The following TBCEL variants were observed in gnomAD, a reference collection of about 807,000 sequenced individuals.
The protein encoded by TBCEL is tubulin folding cofactor E like.
A neutral mutation model predicts 44.2 loss-of-function variants in TBCEL; 15 were observed. That is an observed-to-expected ratio of 0.34 (90% confidence interval 0.23 to 0.52). The LOEUF (loss-of-function observed/expected upper bound fraction) is 0.52, where lower values mean the gene tolerates loss of function less well. TBCEL is among the 20% of genes least tolerant of loss of function. TBCEL has a pLI of 0.95. For missense variants in TBCEL, 319 were observed against 506.3 expected (o/e 0.63, Z 3.55); for synonymous variants, 171 against 185.4 (o/e 0.92, Z 0.63).
At chr11:121,050,961 C>T (rs576664619) in intron 4 of TBCEL, among the ~76,000 whole-genome samples, 39 of 151,566 alleles carry the variant, frequency 2.6e-4, no homozygotes, top group South Asian at 1.2e-3. Flanking sequence ...GAATGTTTGT[C>T]GGCTTTTGGT....
intron 8 of TBCEL, among the ~76,000 whole-genome samples, chr11:121,074,763 G>C (rs1946002990): frequency 6.6e-6 from 1 of 151,824 alleles, no homozygotes; most frequent in Admixed American, 6.6e-5. Context: ...GGCCACCACT[G>C]ATCTGTTTTC....
At position 121,045,697 on chromosome 11, in the gene TBCEL, C is replaced by A; in HGVS notation, c.7C>A (p.Gln3Lys). Residue 3 changes from glutamine to lysine, a missense_variant, in exon 3 of 9, where the codon CAA (glutamine) becomes AAA (lysine). Transcript: ENST00000683345. ...AGCATTTTAAGAAAGAAAGATGGAT[C>A]AACCTAGTGGAAGAAGTTTCATGCA... MDQPSGRSFMQVL... is the reference protein window; with the variant it reads MDKPSGRSFMQVL... The A allele has an allele frequency of 6.3e-7, 1 of 1,585,274 alleles. No individual in the cohort carries two copies. Among genetic ancestry groups the A allele is most frequent in the Non-Finnish European group, 8.5e-7 (1 of 1,170,040 alleles).
chr11:121,071,850 C>G (rs1945939749), intron 8 of TBCEL, among the ~76,000 whole-genome samples: 1 of 152,122 alleles, frequency 6.6e-6, no homozygotes, highest in South Asian at 2.1e-4. Flanking sequence ...TCTTAGTGTG[C>G]TGTGTCCGTT....
intron 8 of TBCEL, among the ~76,000 whole-genome samples, chr11:121,065,039 G>A (rs978048642): frequency 3.3e-5 from 5 of 152,084 alleles, no homozygotes; most frequent in Admixed American, 3.3e-4. Context: ...TGTTAGCCAG[G>A]ATGGTCTTGA....
chr11:121,028,408 A>G (rs1236524869), intron 1 of TBCEL, among the ~76,000 whole-genome samples: 2 of 152,178 alleles, frequency 1.3e-5, no homozygotes, highest in African/African-American at 2.4e-5. Context: ...ATAACTTTTC[A>G]GCAAGTGATG....
chr11:121,069,898 A>C (rs1270263560), intron 8 of TBCEL, among the ~76,000 whole-genome samples: 10 of 152,218 alleles, frequency 6.6e-5, no homozygotes, highest in Non-Finnish European at 1.5e-5. Flanking sequence ...GTGCTCGGAC[A>C]GTAGGGCTTA....
intron 1 of TBCEL, among the ~76,000 whole-genome samples, chr11:121,032,879 G>A (rs902680546): frequency 6.6e-6 from 1 of 152,192 alleles, no homozygotes; most frequent in Non-Finnish European, 1.5e-5. Flanking sequence ...CCACAAAAAT[G>A]CTGCAAGTAT....
In TBCEL at chr11:121,086,986, G is replaced by T; in HGVS notation, c.1165G>T (p.Asp389Tyr). The change falls in exon 9 of 9, where the codon GAC becomes TAC. Residue 389 changes from aspartate (D) to tyrosine (Y), a missense_variant. Physicochemically the swap from Asp to Tyr is radical, Grantham distance 160. Coordinates refer to ENST00000683345, the MANE Select transcript of TBCEL (RefSeq NM_001363644.2). ...AAGCAACATGCTTCTCTACTATTTT[G>T]ACCATGAAGCACCCTTTGGCCCAGA... ...PTSNMLLYYF[D>Y]HEAPFGPEEM... is the part of the protein sequence containing the mutation. 6.2e-7 allele frequency: 1 copy of T among 1,614,018 alleles called. No homozygotes were observed. Among genetic ancestry groups the T allele is most frequent in the South Asian group, 1.1e-5 (1 of 91,066 alleles).
intron 1 of TBCEL, 119 bp downstream of exon 1, chr11:121,024,410 G>C (rs1047294276): frequency 5.2e-5 from 8 of 153,002 alleles, no homozygotes; most frequent in African/African-American, 1.9e-4. Flanking sequence ...CTCGGGGAAG[G>C]GTGAAAGCCA....
At chr11:121,071,536 GCTTTTCTTTGCCTTTT>G (rs1945933906) in intron 8 of TBCEL, among the ~76,000 whole-genome samples, 1 of 152,046 alleles carries the variant, frequency 6.6e-6, no homozygotes, top group Admixed American at 6.5e-5. Context: ...TTTCTTAGAG[GCTTTTCTTTGCCTTTT>G]CTTTTCTTTG....
intron 2 of TBCEL, among the ~76,000 whole-genome samples, chr11:121,039,756 A>G (rs1945298418): frequency 6.6e-6 from 1 of 152,254 alleles, no homozygotes; most frequent in South Asian, 2.1e-4. Context: ...AATCACTAGA[A>G]TGAAATGTCA....
At position 121,089,151 on chromosome 11, in the gene TBCEL, A is replaced by G. The variant is rs1946257561; in HGVS notation, c.*2055A>G. 6.6e-6 allele frequency: 1 copy of G among 152,146 alleles called. No individual in the cohort carries two copies. The highest frequency in any genetic ancestry group is 6.6e-5 in the Admixed American group (1 of 15,266). 9.4% of individuals were successfully genotyped at this position (152,146 alleles called of 1,614,324 possible). On this transcript the variant is annotated 3_prime_UTR_variant, in exon 9 of 9. Coordinates refer to ENST00000683345, the MANE Select transcript of TBCEL (RefSeq NM_001363644.2). The stretch of plus-strand genomic sequence containing the variant: ...CAGCCTGGGAAACAGATGCGTTCTT[A>G]TTTTTTGAAGTTGTGTGACCCTGGA...
chr11:121,086,104 CTT>C (rs1457684418), intron 8 of TBCEL, among the ~76,000 whole-genome samples: 1 of 152,092 alleles, frequency 6.6e-6, no homozygotes. Context: ...GGAAACATGA[CTT>C]TGTGGGCCCT....
intron 5 of TBCEL, 32 bp from the exon 6 acceptor site, chr11:121,055,020 A>C: frequency 1.4e-6 from 2 of 1,447,106 alleles, no homozygotes; most frequent in Non-Finnish European, 1.8e-6. Flanking sequence ...AAACTGCTTT[A>C]AACAATGAAA....
chr11:121,058,483 T>C lies in TBCEL; in HGVS notation c.839+12T>C. On this transcript the variant is annotated intron_variant, in intron 7 of 8. Coordinates refer to ENST00000683345, the MANE Select transcript of TBCEL (RefSeq NM_001363644.2). ...TTGGTAATAGCCAGGTCTGTTGTCC[T>C]GATCGTTTTGCTTTATTTTTGTGAG... 6.2e-7 allele frequency: 1 copy of C among 1,610,648 alleles called. No homozygotes were observed. The highest frequency in any genetic ancestry group is 2.2e-5 in the East Asian group (1 of 44,790).
In TBCEL at chr11:121,079,063, G is replaced by A. The variant is rs552079791; in HGVS notation, c.957-7715G>A. ...AATTTAAGAAATAGTTGAAACAAAT[G>A]TAGTTCCATGACTTAAGCTCTGTTG... On this transcript the variant is annotated intron_variant, in intron 8 of 8. Coordinates refer to ENST00000683345, the MANE Select transcript of TBCEL (RefSeq NM_001363644.2). 3.3e-5 allele frequency among the ~76,000 whole-genome samples: 5 copies of A among 152,306 alleles called. No individual in the cohort carries two copies. In the South Asian group the frequency reaches 1.0e-3, roughly 32 times the overall value.
intron 4 of TBCEL, among the ~76,000 whole-genome samples, chr11:121,051,919 G>A (rs1945536381): frequency 6.6e-6 from 1 of 151,724 alleles, no homozygotes; most frequent in African/African-American, 2.4e-5. Context: ...CAGTAGATCT[G>A]ATGTAAAGTA....
intron 7 of TBCEL, among the ~76,000 whole-genome samples, chr11:121,059,119 A>T (rs1400145156): frequency 6.6e-6 from 1 of 151,880 alleles, no homozygotes; most frequent in African/African-American, 2.4e-5. Context: ...GCAGTTTTGA[A>T]AGGGGAACTG....
chr11:121,054,919 G>A lies in TBCEL; in HGVS notation c.456-133G>A. On this transcript the variant is annotated intron_variant, in intron 5 of 8. Coordinates refer to ENST00000683345, the MANE Select transcript of TBCEL (RefSeq NM_001363644.2). ...TTTTGAACTTCAGGAAGACATCTTGGTATTTTCTCCACAATTCCTAGCAGA... is the reference window on the plus strand; with the variant it reads ...TTTTGAACTTCAGGAAGACATCTTGATATTTTCTCCACAATTCCTAGCAGA... 4.4e-6 allele frequency: 4 copies of A among 916,126 alleles called. No individual in the cohort carries two copies. In the East Asian group the frequency reaches 9.2e-5, roughly 21 times the overall value. 56.7% of individuals were successfully genotyped at this position (916,126 alleles called of 1,614,324 possible). A position where few individuals can be genotyped will look rare whatever the true frequency, so the allele number is the denominator to read the frequency against.
Sources: allele counts gnomAD v4.1 joint callset (sites outside exome capture counted in the v4.1 genomes callset), GRCh38; gene constraint gnomAD v4.1.1; transcripts MANE v1.5; gene names NCBI Gene and HGNC (gene_info 2026-07-23, HGNC 2026-07-21).